Variants in CCDC102B observed in about 807,000 individuals in gnomAD.
CCDC102B encodes coiled-coil domain-containing protein 102B.
CCDC102B carries 75 observed loss-of-function variants against 57.4 expected under a neutral mutation model. The ratio of observed to expected loss-of-function variants is 1.31; its 90% CI spans 1.08 to 1.58. CCDC102B has a LOEUF of 1.58. CCDC102B is among the 40% of genes most tolerant of loss of function. CCDC102B has a pLI of 0.00. For missense variants in CCDC102B, 636 were observed against 582.6 expected, an observed-to-expected ratio of 1.09 and a Z score of -0.94; for synonymous variants, 206 against 201.9, an observed-to-expected ratio of 1.02 and a Z score of -0.17.
chr18:68,984,844 G>A (rs918931539), intron 6 of CCDC102B, among the ~76,000 whole-genome samples: 2 of 152,010 alleles, frequency 1.3e-5, no homozygotes, highest in Non-Finnish European at 2.9e-5. Flanking sequence ...TAATGTACTA[G>A]TTAACATTGA....
At chr18:68,852,757 T>G (rs2038189274) in intron 4 of CCDC102B, among the ~76,000 whole-genome samples, 1 of 152,242 alleles carries the variant, frequency 6.6e-6, no homozygotes, top group Non-Finnish European at 1.5e-5. Flanking sequence ...GAAAAGATAT[T>G]GTGCTTATAA....
chr18:68,738,605 T>G (rs1232090792), intron 2 of CCDC102B, among the ~76,000 whole-genome samples: 2 of 152,204 alleles, frequency 1.3e-5, no homozygotes, highest in African/African-American at 4.8e-5. Context: ...CATGCATCTC[T>G]GCCACGATGG....
At chr18:68,907,583 C>A (rs1265400955) in intron 6 of CCDC102B, among the ~76,000 whole-genome samples, 2 of 151,892 alleles carry the variant, frequency 1.3e-5, no homozygotes, top group Non-Finnish European at 2.9e-5. Context: ...TCTTAAATTC[C>A]TTTTTAGATC....
At chr18:68,794,041 A>T (rs1477280057), upstream of CCDC102B, among the ~76,000 whole-genome samples, 2 of 152,154 alleles carry the variant, frequency 1.3e-5, no homozygotes, top group Admixed American at 1.3e-4. Flanking sequence ...GCTAGATACT[A>T]TTACAATTTT....
intron 4 of CCDC102B, among the ~76,000 whole-genome samples, chr18:68,872,630 C>T (rs2039284254): frequency 6.6e-6 from 1 of 151,898 alleles, no homozygotes. Context: ...GATCAAAAAC[C>T]ACCATGATCT....
intron 7 of CCDC102B, among the ~76,000 whole-genome samples, chr18:69,016,859 A>G (rs903540927): frequency 6.6e-6 from 1 of 152,132 alleles, no homozygotes; most frequent in Non-Finnish European, 1.5e-5. Flanking sequence ...TCTTAGCTAA[A>G]TGATATAAAT....
chr18:68,874,756 GAC>G lies in CCDC102B; in HGVS notation c.1026_1027del (p.Asp342GlufsTer5). 6.2e-7 allele frequency: 1 copy of G among 1,610,174 alleles called. No individual in the cohort carries two copies. The highest frequency in any genetic ancestry group is 8.5e-7 in the Non-Finnish European group (1 of 1,176,848). On this transcript the variant is annotated frameshift_variant, in exon 5 of 8. Transcript: ENST00000360242. LOFTEE classifies it high-confidence loss of function. ...AGAATCCAAATCTCAAAACAGCAAA[GAC>G]AGAGTGATTTGTGAGTTAAGAGCAG... is the stretch of plus-strand genomic sequence containing the variant. The part of the protein sequence containing the change: ...KEESKSQNSK[D>X]RVICELRAEL...
At chr18:68,793,374 T>TA (rs1157503663), upstream of CCDC102B, among the ~76,000 whole-genome samples, 1 of 152,164 alleles carries the variant, frequency 6.6e-6, no homozygotes, top group Non-Finnish European at 1.5e-5. Context: ...TTCTATTTTT[T>TA]AAAAAAGTTT....
chr18:69,025,839 G>A (rs560956878), intron 7 of CCDC102B, among the ~76,000 whole-genome samples: 1 of 152,180 alleles, frequency 6.6e-6, no homozygotes, highest in Non-Finnish European at 1.5e-5. Flanking sequence ...AACAGCAGAA[G>A]GACAGAGCTG....
chr18:68,896,928 T>C (rs550961456), intron 5 of CCDC102B, among the ~76,000 whole-genome samples: 157 of 152,188 alleles, frequency 1.0e-3, no homozygotes, highest in African/African-American at 3.7e-3. Context: ...GAGATTAATG[T>C]TCCCAAGAGC....
Position 68,874,579 on chromosome 18 carries a change from A to G in CCDC102B, c.937-90A>G. 4 of 756,342 alleles carry G rather than the reference A, an allele frequency of 5.3e-6. No individual in the cohort carries two copies. The South Asian group carries it at 7.1e-5, about 13-fold the overall frequency. The allele number at this position is 756,342 out of a possible 1,614,324, so 46.9% of individuals were successfully genotyped here. On this transcript the variant is annotated intron_variant, in intron 4 of 7. Transcript: ENST00000360242. ...ATCCACATAGGAAAAAGGCAAAACA[A>G]CACTAAAGCTAAATGAAGGACTAAT...
intron 2 of CCDC102B, among the ~76,000 whole-genome samples, chr18:68,781,895 A>C (rs985407829): frequency 2.0e-5 from 3 of 152,134 alleles, no homozygotes; most frequent in African/African-American, 7.2e-5. Context: ...GATCTAAGAG[A>C]TATAACTAGA....
chr18:68,878,100 CTGTT>C (rs902858955), intron 5 of CCDC102B, among the ~76,000 whole-genome samples: 8 of 152,088 alleles, frequency 5.3e-5, no homozygotes, highest in Non-Finnish European at 7.4e-5. Context: ...TGACTCCTTT[CTGTT>C]TGTTTGTTTG....
chr18:69,011,040 A>G lies in CCDC102B; in HGVS notation c.1370A>G (p.Glu457Gly), dbSNP rs1174679304. Residue 457 changes from glutamate (E) to glycine (G), a missense_variant, in exon 7 of 8, where the codon GAA becomes GGA. Glu to Gly is a moderately conservative substitution (Grantham distance 98). Transcript: ENST00000360242. ...ANNRVDQNEAEVKKLRLRVEE... is the reference protein window; with the variant it reads ...ANNRVDQNEAGVKKLRLRVEE... ...AACCGAGTGGATCAAAATGAAGCAG[A>G]AGTAAAGAAACTAAGATTACGAGTG... The G allele has an allele frequency of 1.9e-6, 3 of 1,613,930 alleles. No individual in the cohort carries two copies. Among genetic ancestry groups the G allele is most frequent in the Non-Finnish European group, 2.5e-6 (3 of 1,179,966 alleles).
At chr18:68,883,966 AT>A (rs1459695157) in intron 5 of CCDC102B, among the ~76,000 whole-genome samples, 3 of 152,220 alleles carry the variant, frequency 2.0e-5, no homozygotes, top group African/African-American at 7.2e-5. Context: ...AAGTTTTAAC[AT>A]CCGGTAGAAA....
intron 7 of CCDC102B, among the ~76,000 whole-genome samples, chr18:69,034,637 A>G (rs183422459): frequency 1.3e-3 from 190 of 151,874 alleles, no homozygotes; most frequent in African/African-American, 4.3e-3. Flanking sequence ...AAAGTACTGA[A>G]ATTAACAAAT....
At chr18:68,819,266 A>G (rs972898792) in intron 1 of CCDC102B, among the ~76,000 whole-genome samples, 21 of 152,076 alleles carry the variant, frequency 1.4e-4, no homozygotes, top group African/African-American at 5.1e-4. Flanking sequence ...TCTATTGGGA[A>G]CTGACTGTTT....
chr18:68,780,143 A>C (rs1012913801), intron 2 of CCDC102B, among the ~76,000 whole-genome samples: 6 of 152,040 alleles, frequency 3.9e-5, no homozygotes, highest in Non-Finnish European at 1.5e-5. Flanking sequence ...GACTTCTTTT[A>C]CTTATCATAA....
At chr18:69,037,990 T>C (rs1455695204) in intron 7 of CCDC102B, among the ~76,000 whole-genome samples, 1 of 152,070 alleles carries the variant, frequency 6.6e-6, no homozygotes, top group Admixed American at 6.6e-5. Flanking sequence ...ATGTTGATTT[T>C]TTATTGTAAA....
Sources: allele counts gnomAD v4.1 joint callset (sites outside exome capture counted in the v4.1 genomes callset), GRCh38; gene constraint gnomAD v4.1.1; transcripts MANE v1.5; gene names NCBI Gene and HGNC (gene_info 2026-07-23, HGNC 2026-07-21).